The following DIS3L2 variants were observed in gnomAD, a reference collection of about 807,000 sequenced individuals.
DIS3L2 encodes DIS3-like exonuclease 2.
In DIS3L2, 34 loss-of-function variants were observed where a neutral mutation model predicts 97.5. That is an observed-to-expected ratio of 0.35 (90% CI 0.27 to 0.46). The LOEUF is 0.46. DIS3L2 is among the 20% of genes least tolerant of loss of function. DIS3L2 has a pLI of 1.00. For missense variants in DIS3L2, 1,038 were observed against 1,146.0 expected, an observed-to-expected ratio of 0.91 and a Z score of 1.36; for synonymous variants, 435 against 445.2, an observed-to-expected ratio of 0.98 and a Z score of 0.29.
At chr2:232,221,033 C>G (rs1323312391) in intron 10 of DIS3L2, among the ~76,000 whole-genome samples, 1 of 137,676 alleles carries the variant, frequency 7.3e-6, no homozygotes, top group African/African-American at 2.7e-5. Context: ...ATCCAGGAGG[C>G]GGAGGCTACA....
intron 6 of DIS3L2, among the ~76,000 whole-genome samples, chr2:232,110,072 C>T (rs984670998): frequency 1.3e-5 from 2 of 152,078 alleles, no homozygotes; most frequent in Non-Finnish European, 2.9e-5. Context: ...CAAAAGAAGA[C>T]ATGCATGTGG....
chr2:232,000,228 T>G (rs1693838954), intron 1 of DIS3L2, among the ~76,000 whole-genome samples: 1 of 152,226 alleles, frequency 6.6e-6, no homozygotes, highest in South Asian at 2.1e-4. Flanking sequence ...TGTTGTATTT[T>G]TATTTTTATT....
At chr2:232,275,675 C>T (rs968510846) in intron 13 of DIS3L2, among the ~76,000 whole-genome samples, 3 of 152,178 alleles carry the variant, frequency 2.0e-5, no homozygotes, top group African/African-American at 7.2e-5. Flanking sequence ...AATTTTATAA[C>T]TTTAAAATAT....
chr2:232,173,390 C>T (rs1691048838), intron 9 of DIS3L2, among the ~76,000 whole-genome samples: 2 of 152,048 alleles, frequency 1.3e-5, no homozygotes, highest in Non-Finnish European at 2.9e-5. Flanking sequence ...ATCACCACAC[C>T]CTGCCAATTT....
At chr2:232,062,510 C>A (rs1406068950) in intron 5 of DIS3L2, among the ~76,000 whole-genome samples, 2 of 152,082 alleles carry the variant, frequency 1.3e-5, no homozygotes, top group African/African-American at 4.8e-5. Context: ...TCAAACTGCC[C>A]CTGATCTGAC....
intron 12 of DIS3L2, among the ~76,000 whole-genome samples, chr2:232,249,718 G>A (rs967753206): frequency 1.3e-5 from 2 of 152,232 alleles, no homozygotes; most frequent in Admixed American, 1.3e-4. Context: ...CCTGTTTAGA[G>A]GAGGACATTA....
At chr2:232,343,335 A>G (rs1559225817) in intron 13 of DIS3L2, 1 of 1,554,142 alleles carries the variant, frequency 6.4e-7, no homozygotes, top group Non-Finnish European at 8.7e-7. Context: ...AGACACGGAA[A>G]AGGGCCCAGC....
intron 13 of DIS3L2, among the ~76,000 whole-genome samples, chr2:232,299,002 C>G (rs1694791700): frequency 1.3e-5 from 2 of 152,312 alleles, no homozygotes; most frequent in East Asian, 3.9e-4. Context: ...AAAGTCAAAC[C>G]TTTGACTCCC....
chr2:232,220,661 C>T (rs944403962), intron 10 of DIS3L2, among the ~76,000 whole-genome samples: 12 of 151,754 alleles, frequency 7.9e-5, no homozygotes, highest in African/African-American at 1.7e-4. Context: ...GAGCCAAGAT[C>T]GCACCACTGC....
chr2:232,244,692 G>A (rs1054769424), intron 11 of DIS3L2, among the ~76,000 whole-genome samples: 12 of 152,190 alleles, frequency 7.9e-5, no homozygotes, highest in African/African-American at 2.7e-4. Flanking sequence ...AACAGATTGA[G>A]TCTGATGATC....
At chr2:232,329,787 C>CCGGGGGGCCG in intron 14 of DIS3L2, 26 bp from the exon 15 acceptor site, 1 of 1,062,210 alleles carries the variant, frequency 9.4e-7, no homozygotes, top group South Asian at 2.1e-5. Flanking sequence ...CCCAGCGGTC[C>CCGGGGGGCCG]CTCCCATCCC....
chr2:232,339,981 G>A (rs1246067129), downstream of DIS3L2, among the ~76,000 whole-genome samples: 3 of 152,134 alleles, frequency 2.0e-5, no homozygotes, highest in Non-Finnish European at 4.4e-5. Flanking sequence ...GGGTACACTT[G>A]CTGCAACTGT....
At chr2:232,079,179 C>T (rs1213692225) in intron 5 of DIS3L2, among the ~76,000 whole-genome samples, 1 of 152,170 alleles carries the variant, frequency 6.6e-6, no homozygotes, top group East Asian at 1.9e-4. Context: ...CTGCTCTCAA[C>T]TCAGAATACA....
intron 5 of DIS3L2, among the ~76,000 whole-genome samples, chr2:232,075,337 CA>C (rs1444122822): frequency 6.6e-6 from 1 of 152,202 alleles, no homozygotes; most frequent in African/African-American, 2.4e-5. Context: ...GACGATTGTG[CA>C]ATAGAATGTG....
intron 1 of DIS3L2, among the ~76,000 whole-genome samples, chr2:231,965,446 AC>A (rs1692682305): frequency 7.0e-6 from 1 of 142,814 alleles, no homozygotes; most frequent in African/African-American, 2.5e-5. Flanking sequence ...ATCTGAATTG[AC>A]TTTTTTTTTT....
At chr2:232,300,190 C>A in intron 14 of DIS3L2, 71 bp downstream of exon 14, 1 of 1,440,442 alleles carries the variant, frequency 6.9e-7, no homozygotes, top group Non-Finnish European at 9.7e-7. Context: ...CTTTCTGACA[C>A]TGAGCTTCCA....
intron 5 of DIS3L2, among the ~76,000 whole-genome samples, chr2:232,067,297 C>G (rs1695877969): frequency 6.6e-6 from 1 of 152,148 alleles, no homozygotes; most frequent in African/African-American, 2.4e-5. Flanking sequence ...TCTCTAGACG[C>G]TACTTTACAT....
At chr2:232,233,306 C>G (rs929105972) in intron 10 of DIS3L2, among the ~76,000 whole-genome samples, 5 of 152,142 alleles carry the variant, frequency 3.3e-5, no homozygotes, top group Non-Finnish European at 7.4e-5. Context: ...TAGTGACGGC[C>G]CACTTCCTGG....
At chr2:232,302,604 A>G (rs1262796469) in intron 14 of DIS3L2, among the ~76,000 whole-genome samples, 1 of 145,506 alleles carries the variant, frequency 6.9e-6, no homozygotes, top group Non-Finnish European at 1.5e-5. Context: ...TTTGTCACCC[A>G]GCCTGGAGTG....
Sources: allele counts gnomAD v4.1 joint callset (sites outside exome capture counted in the v4.1 genomes callset), GRCh38; gene constraint gnomAD v4.1.1; transcripts MANE v1.5; gene names NCBI Gene and HGNC (gene_info 2026-07-23, HGNC 2026-07-21).